The following IL1RAPL2 variants were observed in gnomAD, a reference collection of about 807,000 sequenced individuals.
IL1RAPL2 encodes the protein X-linked interleukin-1 receptor accessory protein-like 2.
Under a neutral mutation model 44.1 loss-of-function variants are expected in IL1RAPL2, and 3 were observed. That is an observed-to-expected ratio of 0.07 (90% CI 0.03 to 0.18). The LOEUF is 0.18. IL1RAPL2 is among the 10% of genes least tolerant of loss of function. The pLI, the probability that IL1RAPL2 is intolerant of heterozygous loss-of-function variation, is 1.00. For missense variants in IL1RAPL2, 391 were observed against 496.4 expected (o/e 0.79, Z 2.02); for synonymous variants, 181 against 178.8 (o/e 1.01, Z -0.10).
At position 105,287,600 on chromosome X, in the gene IL1RAPL2, A is replaced by G. The variant is rs747223749; in HGVS notation, c.697+20059A>G. Reference sequence around the variant, plus strand: ...AGTTATGCTTGCACTAGTCCAGGCTAGAGGTGATAGTAACTTGGACTAGGG... The same window carrying G: ...AGTTATGCTTGCACTAGTCCAGGCTGGAGGTGATAGTAACTTGGACTAGGG... On this transcript the variant is annotated intron_variant, in intron 5 of 10. Transcript: ENST00000372582. Among the ~76,000 whole-genome samples, 11 of 111,912 alleles carry G rather than the reference A, an allele frequency of 9.8e-5. No individual in the cohort carries two copies. The South Asian group carries it at 3.4e-3, about 34-fold the overall frequency.
chrX:105,394,702 A>G (rs1296559759), intron 5 of IL1RAPL2, among the ~76,000 whole-genome samples: 1 of 111,473 alleles, frequency 9.0e-6, no homozygotes, highest in African/African-American at 3.3e-5. Flanking sequence ...ACTGACTCCT[A>G]TCCACCTATT....
intron 2 of IL1RAPL2, among the ~76,000 whole-genome samples, chrX:105,047,604 G>T (rs1179764519): frequency 9.0e-6 from 1 of 111,084 alleles, no homozygotes; most frequent in Admixed American, 9.7e-5. Context: ...AATTAAGTGT[G>T]AATACCTCCT....
chrX:104,993,249 C>G (rs778247053), intron 2 of IL1RAPL2, among the ~76,000 whole-genome samples: 1 of 111,715 alleles, frequency 9.0e-6, no homozygotes, highest in South Asian at 3.7e-4. Flanking sequence ...TTAATTGTCT[C>G]TAATGATGGT....
intron 5 of IL1RAPL2, among the ~76,000 whole-genome samples, chrX:105,433,357 A>G (rs2035860520): frequency 9.0e-6 from 1 of 111,349 alleles, no homozygotes; most frequent in Non-Finnish European, 1.9e-5. Flanking sequence ...AATAAACCTA[A>G]ATGAATTAAA....
intron 2 of IL1RAPL2, among the ~76,000 whole-genome samples, chrX:104,856,240 G>GA (rs1569327617): frequency 8.9e-6 from 1 of 111,889 alleles, no homozygotes; most frequent in Non-Finnish European, 1.9e-5. Flanking sequence ...TTTTCTTATG[G>GA]AAAAGTTCTC....
At chrX:105,001,281 T>C (rs1457333943) in intron 2 of IL1RAPL2, among the ~76,000 whole-genome samples, 1 of 111,263 alleles carries the variant, frequency 9.0e-6, no homozygotes. Flanking sequence ...CTGATTAGAC[T>C]TCCTAACATT....
intron 2 of IL1RAPL2, among the ~76,000 whole-genome samples, chrX:105,004,089 G>C (rs1174110201): frequency 2.7e-5 from 3 of 110,775 alleles, no homozygotes; most frequent in South Asian, 3.7e-4. Flanking sequence ...ACACATAAAA[G>C]ATGTTTATAG....
intron 4 of IL1RAPL2, among the ~76,000 whole-genome samples, chrX:105,262,553 A>G (rs1347695084): frequency 1.8e-5 from 2 of 112,000 alleles, no homozygotes; most frequent in Non-Finnish European, 3.8e-5. Flanking sequence ...GGTAAATATT[A>G]TCACCACCTG....
chrX:104,974,959 C>T (rs2030304870), intron 2 of IL1RAPL2, among the ~76,000 whole-genome samples: 1 of 112,306 alleles, frequency 8.9e-6, no homozygotes, highest in Admixed American at 9.4e-5. Context: ...CTGGGCATTC[C>T]AGCCGCTGAT....
chrX:105,444,325 G>T (rs1302109179), intron 5 of IL1RAPL2, among the ~76,000 whole-genome samples: 1 of 111,087 alleles, frequency 9.0e-6, no homozygotes, highest in African/African-American at 3.3e-5. Flanking sequence ...TTCCTTTGCT[G>T]TGCAGAAGCT....
At chrX:104,724,489 C>A (rs1204528803) in intron 2 of IL1RAPL2, among the ~76,000 whole-genome samples, 3 of 110,812 alleles carry the variant, frequency 2.7e-5, no homozygotes, top group Non-Finnish European at 5.7e-5. Flanking sequence ...GGTGGAGGAG[C>A]AATATTCAAA....
chrX:104,987,848 C>G lies in IL1RAPL2; in HGVS notation c.83-207627C>G, dbSNP rs575562207. Among the ~76,000 whole-genome samples, 21 of 111,586 alleles carry G rather than the reference C, an allele frequency of 1.9e-4. No homozygotes were observed. The South Asian group carries it at 7.9e-3, about 42-fold the overall frequency. The stretch of plus-strand genomic sequence containing the variant: ...CATTCATCATCTGCATGATGTGTCT[C>G]CCCAGGCAAGAGGTATGGTAGCACA... On this transcript the variant is annotated intron_variant, in intron 2 of 10. Transcript: ENST00000372582.
chrX:105,362,860 T>C (rs1031959313), intron 5 of IL1RAPL2, among the ~76,000 whole-genome samples: 1 of 111,184 alleles, frequency 9.0e-6, no homozygotes, highest in Non-Finnish European at 1.9e-5. Flanking sequence ...GTTTTTGTGG[T>C]GAGAATGTTA....
At chrX:105,633,892 A>G (rs946097570) in intron 6 of IL1RAPL2, among the ~76,000 whole-genome samples, 10 of 111,478 alleles carry the variant, frequency 9.0e-5, no homozygotes, top group Non-Finnish European at 1.5e-4. Flanking sequence ...AAGGGGTTAC[A>G]TGGAGAGATC....
intron 5 of IL1RAPL2, among the ~76,000 whole-genome samples, chrX:105,442,905 A>G (rs1311955471): frequency 1.8e-5 from 2 of 111,063 alleles, no homozygotes; most frequent in African/African-American, 6.6e-5. Context: ...GTGAAACCCC[A>G]TCTCTACTAA....
chrX:105,566,132 TAA>T (rs2147808731), intron 6 of IL1RAPL2, among the ~76,000 whole-genome samples: 1 of 110,855 alleles, frequency 9.0e-6, no homozygotes, highest in African/African-American at 3.3e-5. Flanking sequence ...CTCAGAGAAA[TAA>T]AACCATTGCT....
chrX:104,917,871 C>G (rs1407290305), intron 2 of IL1RAPL2, among the ~76,000 whole-genome samples: 2 of 111,818 alleles, frequency 1.8e-5, no homozygotes, highest in African/African-American at 6.5e-5. Flanking sequence ...AGCTGCTTCT[C>G]ATGCCAGAAG....
At position 105,186,425 on chromosome X, in the gene IL1RAPL2, T is replaced by C. The variant is rs781849442; in HGVS notation, c.83-9050T>C. On this transcript the variant is annotated intron_variant, in intron 2 of 10. Coordinates refer to ENST00000372582, the MANE Select transcript of IL1RAPL2 (RefSeq NM_017416.2). Reference sequence around the variant, plus strand: ...TGCATGGAAGGTGGGAAAAATGGTATGAGGATGAAGACAGGAAAGAGCTGG... The same window carrying C: ...TGCATGGAAGGTGGGAAAAATGGTACGAGGATGAAGACAGGAAAGAGCTGG... 3.5e-4 allele frequency among the ~76,000 whole-genome samples: 39 copies of C among 111,677 alleles called. 1 individual carries two copies. The highest frequency in any genetic ancestry group is 1.3e-3 in the African/African-American group (39 of 30,728).
At chrX:105,495,779 T>C (rs1406019317) in intron 6 of IL1RAPL2, among the ~76,000 whole-genome samples, 1 of 110,008 alleles carries the variant, frequency 9.1e-6, no homozygotes, top group East Asian at 2.9e-4. Context: ...ATTTGAAAAC[T>C]GCTGTAAACC....
Sources: allele counts gnomAD v4.1 joint callset (sites outside exome capture counted in the v4.1 genomes callset), GRCh38; gene constraint gnomAD v4.1.1; transcripts MANE v1.5; gene names NCBI Gene and HGNC (gene_info 2026-07-23, HGNC 2026-07-21).